GFRAL: variants seen among roughly 807,000 people sequenced by gnomAD.
GFRAL encodes GDNF family receptor alpha-like.
A neutral mutation model predicts 45.4 loss-of-function variants in GFRAL; 36 were observed. That is an observed-to-expected ratio of 0.79 (90% CI 0.61 to 1.05). The LOEUF is 1.05. Ranked by LOEUF, GFRAL falls within the 50% of genes least tolerant of loss-of-function variation. The pLI is 0.00. For synonymous variants in GFRAL, 166 were observed against 154.1 expected (o/e 1.08, Z -0.57); for missense variants, 507 against 467.5 (o/e 1.08, Z -0.78).
chr6:55,347,807 TCA>T (rs1258187713), intron 3 of GFRAL, among the ~76,000 whole-genome samples: 1 of 151,992 alleles, frequency 6.6e-6, no homozygotes, highest in Non-Finnish European at 1.5e-5. Context: ...GTGATTCTTC[TCA>T]GTCTCTTTTG....
At chr6:55,350,444 G>A in intron 4 of GFRAL, among the ~76,000 whole-genome samples, 1 of 152,112 alleles carries the variant, frequency 6.6e-6, no homozygotes, top group South Asian at 2.1e-4. Context: ...GGAGGCTGAG[G>A]TAGGTGGATC....
intron 5 of GFRAL, among the ~76,000 whole-genome samples, chr6:55,357,360 T>C (rs1768208481): frequency 6.6e-6 from 1 of 151,896 alleles, no homozygotes. Flanking sequence ...TGGGTGCATA[T>C]ATATTTACAA....
intron 3 of GFRAL, among the ~76,000 whole-genome samples, chr6:55,337,881 T>C (rs942280252): frequency 6.6e-6 from 1 of 152,154 alleles, no homozygotes; most frequent in Non-Finnish European, 1.5e-5. Flanking sequence ...TTTTAATGTG[T>C]TCTCCATTTT....
At chr6:55,389,917 C>G (rs60014390) in intron 6 of GFRAL, among the ~76,000 whole-genome samples, 9,790 of 152,236 alleles carry the variant, frequency 0.064, 526 homozygotes, top group African/African-American at 0.15. Flanking sequence ...TAATTTAAAT[C>G]TCAGTAGAGA....
chr6:55,342,823 T>C (rs1489421648), intron 3 of GFRAL, among the ~76,000 whole-genome samples: 5 of 151,796 alleles, frequency 3.3e-5, no homozygotes, highest in Admixed American at 1.3e-4. Context: ...AATAAAAGGA[T>C]GGAGGAAGAT....
intron 6 of GFRAL, among the ~76,000 whole-genome samples, chr6:55,368,175 A>C (rs1178101580): frequency 1.3e-5 from 2 of 151,176 alleles, no homozygotes; most frequent in Admixed American, 1.3e-4. Flanking sequence ...TTCCCTTCTC[A>C]CTTCATTTCA....
chr6:55,376,592 A>T (rs1371263568), intron 6 of GFRAL, among the ~76,000 whole-genome samples: 1 of 151,800 alleles, frequency 6.6e-6, no homozygotes, highest in Non-Finnish European at 1.5e-5. Context: ...GGTGTCCAGG[A>T]ATTTGTCTAT....
At chr6:55,392,177 T>A (rs938536469) in intron 6 of GFRAL, among the ~76,000 whole-genome samples, 1 of 152,200 alleles carries the variant, frequency 6.6e-6, no homozygotes, top group Non-Finnish European at 1.5e-5. Flanking sequence ...TATTCTTATT[T>A]CCCACTAGTC....
chr6:55,342,823 T>A (rs1489421648), intron 3 of GFRAL, among the ~76,000 whole-genome samples: 2 of 151,796 alleles, frequency 1.3e-5, no homozygotes, highest in East Asian at 1.9e-4. Flanking sequence ...AATAAAAGGA[T>A]GGAGGAAGAT....
At chr6:55,394,429 TGAA>T (rs1225416919) in intron 6 of GFRAL, among the ~76,000 whole-genome samples, 1 of 152,182 alleles carries the variant, frequency 6.6e-6, no homozygotes, top group South Asian at 2.1e-4. Flanking sequence ...AAGAAGCCAG[TGAA>T]GAAGAATATT....
Position 55,331,750 on chromosome 6 carries a change from C to T in GFRAL, c.58C>T (p.Gln20Ter), listed in dbSNP as rs781640774. The change falls in exon 2 of 9, where the codon CAA (glutamine) becomes TAA (stop). Residue 20 changes from glutamine (Q) to a stop codon, truncating the protein, a stop_gained. Coordinates refer to ENST00000340465, the MANE Select transcript of GFRAL (RefSeq NM_207410.2). LOFTEE classifies it high-confidence loss of function. ...GLSLENEYTS[Q>*]TNNCTYLREQ... is the part of the protein sequence containing the mutation. ...AAGCTTGGAAAATGAATACACTTCCCAAACCAATAATTGCACATATTTAAG... is the reference window on the plus strand; with the variant it reads ...AAGCTTGGAAAATGAATACACTTCCTAAACCAATAATTGCACATATTTAAG... The T allele has an allele frequency of 4.3e-6, 7 of 1,610,716 alleles. No individual in the cohort carries two copies. In the Middle Eastern group the frequency reaches 9.9e-4, roughly 228 times the overall value.
At chr6:55,360,967 A>C (rs1216924058) in intron 6 of GFRAL, among the ~76,000 whole-genome samples, 1 of 151,978 alleles carries the variant, frequency 6.6e-6, no homozygotes, top group Admixed American at 6.6e-5. Context: ...TCTAGTTCTA[A>C]ACATGTTTTT....
rs568416629 is a variant in GFRAL at position 55,364,680 on chromosome 6, A to G, written c.952+5542A>G. 8.6e-5 allele frequency among the ~76,000 whole-genome samples: 13 copies of G among 151,590 alleles called. No individual in the cohort carries two copies. The East Asian group carries it at 2.3e-3, about 27-fold the overall frequency. ...ATGGCTAGCCAGTTTTCCCAGCACC[A>G]TTTAATAAATAGGGAATCCTTTCCC... On this transcript the variant is annotated intron_variant, in intron 6 of 8. Transcript: ENST00000340465.
intron 3 of GFRAL, among the ~76,000 whole-genome samples, chr6:55,345,408 A>G (rs936744478): frequency 3.3e-5 from 5 of 152,190 alleles, no homozygotes; most frequent in African/African-American, 9.7e-5. Context: ...CAACCATCTG[A>G]TCTTTGACAA....
chr6:55,373,513 G>A (rs1457389654), intron 6 of GFRAL, among the ~76,000 whole-genome samples: 2 of 152,256 alleles, frequency 1.3e-5, no homozygotes, highest in African/African-American at 2.4e-5. Flanking sequence ...ACATGTGCCA[G>A]TATTCACAAT....
At chr6:55,388,156 C>T (rs1223379538) in intron 6 of GFRAL, among the ~76,000 whole-genome samples, 1 of 152,202 alleles carries the variant, frequency 6.6e-6, no homozygotes, top group Non-Finnish European at 1.5e-5. Flanking sequence ...AACTCTGGGA[C>T]TGATGTTCTA....
intron 5 of GFRAL, among the ~76,000 whole-genome samples, chr6:55,355,329 T>C (rs1768177268): frequency 6.6e-6 from 1 of 151,918 alleles, no homozygotes; most frequent in African/African-American, 2.4e-5. Flanking sequence ...GTTCTGCACA[T>C]CTATCTCATT....
At chr6:55,361,342 C>T (rs966698988) in intron 6 of GFRAL, among the ~76,000 whole-genome samples, 5 of 151,876 alleles carry the variant, frequency 3.3e-5, no homozygotes, top group African/African-American at 9.7e-5. Flanking sequence ...ATGTTCAAGT[C>T]CCTGATATAA....
intron 5 of GFRAL, among the ~76,000 whole-genome samples, chr6:55,357,110 A>T (rs1241367021): frequency 1.3e-5 from 2 of 151,978 alleles, no homozygotes; most frequent in African/African-American, 4.8e-5. Context: ...TTTAGCTAAC[A>T]TATGGGTTAC....
Sources: gnomAD v4.1 joint callset for allele counts (sites outside exome capture counted in the v4.1 genomes callset) on GRCh38, gnomAD v4.1.1 for gene constraint, MANE v1.5 for transcripts, NCBI Gene and HGNC (gene_info 2026-07-23, HGNC 2026-07-21) for gene names.